Variants in GALNT2 observed in about 807,000 individuals in gnomAD.
The protein encoded by GALNT2 is polypeptide N-acetylgalactosaminyltransferase 2, also known as UDP-GalNAc:polypeptide N-acetylgalactosaminyltransferase 2.
Under a neutral mutation model 81.4 loss-of-function variants are expected in GALNT2, and 31 were observed. The ratio of observed to expected loss-of-function variants is 0.38; its 90% CI spans 0.29 to 0.51. The LOEUF is 0.51. Ranked by LOEUF, GALNT2 falls within the 20% of genes least tolerant of loss-of-function variation. The pLI, the probability that GALNT2 is intolerant of heterozygous loss-of-function variation, is 0.87. For missense variants in GALNT2, 629 were observed against 765.7 expected, an observed-to-expected ratio of 0.82 and a Z score of 2.11; for synonymous variants, 303 against 287.4, an observed-to-expected ratio of 1.05 and a Z score of -0.55.
chr1:230,087,942 T>C (rs538736695), intron 1 of GALNT2, among the ~76,000 whole-genome samples: 3 of 152,200 alleles, frequency 2.0e-5, no homozygotes, highest in African/African-American at 7.2e-5. Context: ...ACAGCAGATA[T>C]TAAGTGACAG....
At chr1:230,132,276 T>C (rs1188754191) in intron 1 of GALNT2, among the ~76,000 whole-genome samples, 3 of 152,068 alleles carry the variant, frequency 2.0e-5, no homozygotes, top group Non-Finnish European at 2.9e-5. Context: ...CCGAAATAGA[T>C]AGGGGTAGGG....
At chr1:230,185,301 T>TGTGTGTGTGCGCGCGC (rs58770415) in intron 2 of GALNT2, among the ~76,000 whole-genome samples, 4 of 126,010 alleles carry the variant, frequency 3.2e-5, no homozygotes, top group East Asian at 5.7e-4. Flanking sequence ...TGTGTGTGTG[T>TGTGTGTGTGCGCGCGC]GCGCGCGTGT....
intron 10 of GALNT2, among the ~76,000 whole-genome samples, chr1:230,251,899 G>A (rs982952764): frequency 6.6e-6 from 1 of 152,108 alleles, no homozygotes; most frequent in East Asian, 1.9e-4. Context: ...CAGAGACTGG[G>A]GGGTAGATTT....
At chr1:230,179,437 G>A (rs11122460) in intron 2 of GALNT2, among the ~76,000 whole-genome samples, 12,494 of 152,228 alleles carry the variant, frequency 0.082, 767 homozygotes, top group East Asian at 0.26. Context: ...GAGGGTTCCT[G>A]TTTCTCTACA....
At chr1:230,089,151 CTTT>C (rs112182659) in intron 1 of GALNT2, among the ~76,000 whole-genome samples, 2 of 141,088 alleles carry the variant, frequency 1.4e-5, no homozygotes, top group Admixed American at 7.1e-5. Flanking sequence ...TTCTTTCTTT[CTTT>C]TTTTTTTTTT....
At chr1:230,097,889 C>T (rs184020023) in intron 1 of GALNT2, among the ~76,000 whole-genome samples, 76 of 152,260 alleles carry the variant, frequency 5.0e-4, no homozygotes, top group African/African-American at 1.7e-3. Flanking sequence ...TAGGTTTGGT[C>T]GCTATACAAC....
At chr1:230,112,331 C>A (rs1660726170) in intron 1 of GALNT2, among the ~76,000 whole-genome samples, 1 of 142,214 alleles carries the variant, frequency 7.0e-6, no homozygotes. Context: ...GTGCAGCCTG[C>A]ACATGGGGTG....
intron 3 of GALNT2, among the ~76,000 whole-genome samples, chr1:230,231,462 C>A (rs1201109239): frequency 6.6e-6 from 1 of 152,188 alleles, no homozygotes; most frequent in African/African-American, 2.4e-5. Flanking sequence ...TTCCTCCCAA[C>A]ACCGTGAAAC....
chr1:230,195,953 C>T (rs1663682564), intron 2 of GALNT2, among the ~76,000 whole-genome samples: 1 of 152,310 alleles, frequency 6.6e-6, no homozygotes, highest in East Asian at 1.9e-4. Context: ...CAGATGTGCA[C>T]TAGGCTGTAC....
intron 14 of GALNT2, among the ~76,000 whole-genome samples, chr1:230,270,885 GAACAA>G (rs1167473497): frequency 1.3e-5 from 2 of 152,204 alleles, no homozygotes; most frequent in Admixed American, 6.5e-5. Context: ...TGCAACAGAA[GAACAA>G]AACGGCAACT....
At chr1:230,276,086 T>G (rs989545491) in intron 15 of GALNT2, among the ~76,000 whole-genome samples, 1 of 150,192 alleles carries the variant, frequency 6.7e-6, no homozygotes, top group Non-Finnish European at 1.5e-5. Context: ...CACATATATA[T>G]ACATATATAA....
intron 3 of GALNT2, among the ~76,000 whole-genome samples, chr1:230,218,617 C>T (rs1048485734): frequency 3.9e-5 from 6 of 152,122 alleles, no homozygotes; most frequent in Non-Finnish European, 8.8e-5. Flanking sequence ...TGGAACTGTC[C>T]AGTAGGTGGA....
intron 3 of GALNT2, among the ~76,000 whole-genome samples, chr1:230,208,024 C>T (rs563736154): frequency 2.0e-5 from 3 of 152,116 alleles, no homozygotes; most frequent in Non-Finnish European, 4.4e-5. Context: ...TTGGGATATC[C>T]CTCACCTCTA....
chr1:230,078,029 C>A (rs762302918), intron 1 of GALNT2, among the ~76,000 whole-genome samples: 4 of 152,198 alleles, frequency 2.6e-5, no homozygotes, highest in Non-Finnish European at 4.4e-5. Context: ...GGGCCTTGCC[C>A]AGCCCATAGC....
Position 230,243,500 on chromosome 1 carries a change from C to T in GALNT2, c.729+73C>T, listed in dbSNP as rs750989749. On this transcript the variant is annotated intron_variant, in intron 7 of 15. Coordinates refer to ENST00000366672, the MANE Select transcript of GALNT2 (RefSeq NM_004481.5). The surrounding 1 kb of genome is among the most constrained non-coding windows in gnomAD (Gnocchi z 4.2). ...AGAGGGGACAGAAGGGAGCATGGTC[C>T]AGGGGAGGTGTAACGCAGGGAGTAG... is the stretch of plus-strand genomic sequence containing the variant. The T allele has an allele frequency of 5.6e-4, 871 of 1,562,108 alleles. No homozygotes were observed. Among genetic ancestry groups the T allele is most frequent in the Non-Finnish European group, 6.8e-4 (783 of 1,159,084 alleles).
At chr1:230,071,884 A>G (rs1659386739) in intron 1 of GALNT2, among the ~76,000 whole-genome samples, 1 of 152,190 alleles carries the variant, frequency 6.6e-6, no homozygotes, top group African/African-American at 2.4e-5. Flanking sequence ...CATAATGGAA[A>G]CAGATTGTGT....
chr1:230,173,167 G>A (rs142698444), intron 1 of GALNT2, among the ~76,000 whole-genome samples: 1 of 152,340 alleles, frequency 6.6e-6, no homozygotes, highest in Non-Finnish European at 1.5e-5. Flanking sequence ...CTCTTTCTCT[G>A]GCCCAGATGC....
intron 1 of GALNT2, among the ~76,000 whole-genome samples, chr1:230,100,175 CTA>C (rs1491092710): frequency 3.3e-5 from 5 of 152,124 alleles, no homozygotes; most frequent in Non-Finnish European, 7.3e-5. Context: ...CTTAAACACT[CTA>C]TGTTTTCTAA....
intron 1 of GALNT2, among the ~76,000 whole-genome samples, chr1:230,127,722 G>A (rs748180113): frequency 2.1e-5 from 3 of 142,200 alleles, no homozygotes; most frequent in Non-Finnish European, 4.6e-5. Flanking sequence ...TGAGCCCCTC[G>A]CGGTGGTGGT....
Sources: allele counts gnomAD v4.1 joint callset (sites outside exome capture counted in the v4.1 genomes callset), GRCh38; gene constraint gnomAD v4.1.1; non-coding constraint Gnocchi (gnomAD v3.1); transcripts MANE v1.5; gene names NCBI Gene and HGNC (gene_info 2026-07-23, HGNC 2026-07-21).